Variants in TTC7A observed in about 807,000 individuals in gnomAD.
TTC7A encodes tetratricopeptide repeat domain 7A.
In TTC7A, 110 loss-of-function variants were observed where a neutral mutation model predicts 103.7. The observed-to-expected ratio is 1.06, with a 90% CI of 0.91 to 1.24. The LOEUF (loss-of-function observed/expected upper bound fraction) is 1.24, where lower values mean the gene tolerates loss of function less well. Among genes scored for constraint, TTC7A ranks in the 50% most tolerant of loss-of-function variants. The pLI, the probability that TTC7A is intolerant of heterozygous loss-of-function variation, is 0.00. For missense variants in TTC7A, 1,340 were observed against 1,116.3 expected, an observed-to-expected ratio of 1.20 and a Z score of -2.86; for synonymous variants, 521 against 467.9, an observed-to-expected ratio of 1.11 and a Z score of -1.47.
At chr2:46,927,658 CA>C (rs546308417) in intron 2 of TTC7A, among the ~76,000 whole-genome samples, 1 of 150,108 alleles carries the variant, frequency 6.7e-6, no homozygotes, top group Non-Finnish European at 1.5e-5. Flanking sequence ...CCGCGCCCGG[CA>C]AAAAAAAGAT....
upstream of TTC7A, among the ~76,000 whole-genome samples, chr2:46,938,636 G>A (rs568635037): frequency 1.3e-5 from 2 of 152,270 alleles, no homozygotes; most frequent in Admixed American, 6.5e-5. Context: ...ACTTTGGTGT[G>A]TAAATCAAGC....
rs188451885 is a variant in TTC7A, at chr2:47,014,260, A to G, written c.1392+2825A>G. Among the ~76,000 whole-genome samples the G allele has an allele frequency of 7.0e-3, 1,062 of 152,226 alleles. 14 individuals are homozygous for G. Among genetic ancestry groups the G allele is most frequent in the African/African-American group, 0.024 (988 of 41,536 alleles). On this transcript the variant is annotated intron_variant, in intron 11 of 19. Coordinates refer to ENST00000319190, the MANE Select transcript of TTC7A (RefSeq NM_020458.4). ...AGGAAGCCTACATATAGTAGGTGCT[A>G]TACTAGTAACTGACGAAGCGACACA...
chr2:47,017,374 A>G (rs1220589020), intron 11 of TTC7A, among the ~76,000 whole-genome samples: 1 of 151,718 alleles, frequency 6.6e-6, no homozygotes, highest in East Asian at 1.9e-4. Flanking sequence ...AAATAAAAAT[A>G]AAAAGGTAAA....
At chr2:46,928,540 C>G (rs1669526693) in intron 2 of TTC7A, among the ~76,000 whole-genome samples, 1 of 149,366 alleles carries the variant, frequency 6.7e-6, no homozygotes, top group African/African-American at 2.5e-5. Context: ...GAAGCCGAGA[C>G]AGGTGGATTG....
chr2:46,951,520 C>A (rs1478639063), intron 2 of TTC7A: 6 of 451,442 alleles, frequency 1.3e-5, no homozygotes, highest in African/African-American at 1.2e-4. Context: ...GTGATCCCTC[C>A]CTCCCTCCCT....
At chr2:47,022,757 G>A (rs1679437610) in intron 12 of TTC7A, among the ~76,000 whole-genome samples, 2 of 152,238 alleles carry the variant, frequency 1.3e-5, no homozygotes, top group South Asian at 4.1e-4. Context: ...AAGTGAGGGA[G>A]TCATCAGCCC....
intron 4 of TTC7A, among the ~76,000 whole-genome samples, chr2:46,975,436 C>T (rs535855306): frequency 6.6e-6 from 1 of 151,876 alleles, no homozygotes; most frequent in South Asian, 2.1e-4. Context: ...GACATCCTTC[C>T]CTGCTCTCGG....
Position 46,973,252 on chromosome 2 carries a change from G to A in TTC7A, c.518-1721G>A, listed in dbSNP as rs148876685. 1.1e-3 allele frequency among the ~76,000 whole-genome samples: 170 copies of A among 152,310 alleles called. 1 individual carries two copies. Among genetic ancestry groups the A allele is most frequent in the African/African-American group, 4.0e-3 (166 of 41,574 alleles). ...GGGAAGGGGAGAAACTTGTCCTCGC[G>A]TTTTATGGAGGAGATAAGAGTATGG... On this transcript the variant is annotated intron_variant, in intron 3 of 19. Coordinates refer to ENST00000319190, the MANE Select transcript of TTC7A (RefSeq NM_020458.4).
chr2:46,987,809 CGT>C (rs34664382), intron 5 of TTC7A, among the ~76,000 whole-genome samples: 31,555 of 144,112 alleles, frequency 0.22, 3,969 homozygotes, highest in Middle Eastern at 0.33. Flanking sequence ...CCTTTCCGCG[CGT>C]GTGTGTGTGT....
At chr2:46,920,649 GAAA>G (rs10713433) in intron 2 of TTC7A, among the ~76,000 whole-genome samples, 7 of 136,378 alleles carry the variant, frequency 5.1e-5, no homozygotes, top group African/African-American at 1.8e-4. Flanking sequence ...AGGCTTTTTT[GAAA>G]AAAAAAAAAA....
At chr2:47,023,527 T>A in intron 13 of TTC7A, 62 bp downstream of exon 13, 1 of 1,547,630 alleles carries the variant, frequency 6.5e-7, no homozygotes, top group Non-Finnish European at 8.9e-7. Context: ...TTCACAAGCT[T>A]TACGTCATCA....
intron 4 of TTC7A, 197 bp from the exon 5 acceptor site, chr2:46,978,595 T>A: frequency 1.1e-5 from 4 of 360,596 alleles, no homozygotes; most frequent in Non-Finnish European, 1.5e-5. Flanking sequence ...CTTGTGGGCA[T>A]CTAACGGTTG....
At chr2:47,015,155 G>T (rs1231057767) in intron 11 of TTC7A, among the ~76,000 whole-genome samples, 1 of 152,264 alleles carries the variant, frequency 6.6e-6, no homozygotes, top group Non-Finnish European at 1.5e-5. Flanking sequence ...ACTGAAATCA[G>T]AGAGGCCTGC....
At chr2:46,981,247 A>C (rs1224203587) in intron 5 of TTC7A, among the ~76,000 whole-genome samples, 1 of 151,652 alleles carries the variant, frequency 6.6e-6, no homozygotes, top group East Asian at 1.9e-4. Context: ...TTTTTTAACA[A>C]CCACAACAAA....
chr2:46,986,065 G>T (rs1468814975), intron 5 of TTC7A, among the ~76,000 whole-genome samples: 2 of 152,184 alleles, frequency 1.3e-5, no homozygotes, highest in Non-Finnish European at 2.9e-5. Context: ...TGTCCTGGGT[G>T]GGGGCACAGT....
intron 15 of TTC7A, among the ~76,000 whole-genome samples, chr2:47,041,691 T>C (rs1681765960): frequency 6.7e-6 from 1 of 149,506 alleles, no homozygotes; most frequent in South Asian, 2.1e-4. Flanking sequence ...AGGCAGAGGT[T>C]GCGGTGAGCC....
chr2:46,978,948 CT>C (rs1674152670), intron 5 of TTC7A, 41 bp downstream of exon 5: 1 of 1,459,934 alleles, frequency 6.8e-7, no homozygotes, highest in African/African-American at 1.4e-5. Flanking sequence ...AACGATTCCC[CT>C]GGGCTGAGGC....
chr2:46,927,140 G>A (rs1207242916), intron 2 of TTC7A, among the ~76,000 whole-genome samples: 1 of 152,072 alleles, frequency 6.6e-6, no homozygotes, highest in East Asian at 1.9e-4. Context: ...TATGTAGTTG[G>A]AGTCACAGGA....
chr2:47,010,423 C>G (rs893463604), intron 10 of TTC7A, among the ~76,000 whole-genome samples: 2 of 152,204 alleles, frequency 1.3e-5, no homozygotes, highest in Admixed American at 6.5e-5. Context: ...ATCCCAAGAT[C>G]TGGATAAGTG....
Sources: allele counts gnomAD v4.1 joint callset (sites outside exome capture counted in the v4.1 genomes callset), GRCh38; gene constraint gnomAD v4.1.1; transcripts MANE v1.5; gene names NCBI Gene and HGNC (gene_info 2026-07-23, HGNC 2026-07-21).